Variants in TRABD2B observed in about 807,000 individuals in gnomAD.
TRABD2B encodes the protein TraB domain containing 2B.
In TRABD2B, 14 loss-of-function variants were observed where a neutral mutation model predicts 40.1. That is an observed-to-expected ratio of 0.35 (90% CI 0.23 to 0.55). The LOEUF is 0.55. Among genes scored for constraint, TRABD2B ranks in the 20% least tolerant of loss-of-function variants. The pLI, the probability that TRABD2B is intolerant of heterozygous loss-of-function variation, is 0.90. For synonymous variants in TRABD2B, 263 were observed against 277.0 expected, an observed-to-expected ratio of 0.95 and a Z score of 0.50; for missense variants, 541 against 648.6, an observed-to-expected ratio of 0.83 and a Z score of 1.80.
At chr1:47,939,571 C>A (rs1645158583) in intron 2 of TRABD2B, among the ~76,000 whole-genome samples, 3 of 152,130 alleles carry the variant, frequency 2.0e-5, no homozygotes, top group Admixed American at 2.0e-4. Flanking sequence ...ACACTGTAAT[C>A]CCCTGGACAG....
At chr1:47,780,592 C>T (rs1253522802) in intron 4 of TRABD2B, among the ~76,000 whole-genome samples, 1 of 152,094 alleles carries the variant, frequency 6.6e-6, no homozygotes, top group Non-Finnish European at 1.5e-5. Context: ...ACACAGGAGG[C>T]CTCTAAGCCA....
At chr1:47,909,659 CATT>C (rs1644730993) in intron 2 of TRABD2B, among the ~76,000 whole-genome samples, 1 of 150,176 alleles carries the variant, frequency 6.7e-6, no homozygotes, top group African/African-American at 2.4e-5. Flanking sequence ...AGAACTCACT[CATT>C]ATCATGGGGA....
intron 2 of TRABD2B, among the ~76,000 whole-genome samples, chr1:47,871,545 C>T (rs148810713): frequency 6.6e-6 from 1 of 152,196 alleles, no homozygotes; most frequent in African/African-American, 2.4e-5. Context: ...GGAGTGGAAC[C>T]ATTTTCATCC....
intron 2 of TRABD2B, among the ~76,000 whole-genome samples, chr1:47,804,095 G>A (rs1380624626): frequency 6.6e-6 from 1 of 152,226 alleles, no homozygotes; most frequent in Non-Finnish European, 1.5e-5. Flanking sequence ...TCATGGCTGG[G>A]CAGGAGCGCT....
At chr1:47,847,393 T>C (rs1645486717) in intron 2 of TRABD2B, among the ~76,000 whole-genome samples, 1 of 152,224 alleles carries the variant, frequency 6.6e-6, no homozygotes, top group Non-Finnish European at 1.5e-5. Context: ...ATTATCTTCG[T>C]GTCTCCAATG....
intron 2 of TRABD2B, among the ~76,000 whole-genome samples, chr1:47,802,756 CA>C: frequency 6.6e-6 from 1 of 152,296 alleles, no homozygotes; most frequent in South Asian, 2.1e-4. Context: ...CAGTCCCGCC[CA>C]TCTCCGGGCA....
intron 2 of TRABD2B, among the ~76,000 whole-genome samples, chr1:47,927,132 A>T (rs1268232133): frequency 1.3e-5 from 2 of 152,158 alleles, no homozygotes; most frequent in Non-Finnish European, 2.9e-5. Context: ...ACAAGATAAG[A>T]GATCATTCTT....
chr1:47,867,475 C>T (rs754834380), intron 2 of TRABD2B, among the ~76,000 whole-genome samples: 11 of 152,142 alleles, frequency 7.2e-5, no homozygotes, highest in Admixed American at 5.2e-4. Context: ...GCATTACATG[C>T]GCTGGCTTCC....
intron 2 of TRABD2B, among the ~76,000 whole-genome samples, chr1:47,884,585 A>G (rs1031261656): frequency 6.6e-6 from 1 of 152,104 alleles, no homozygotes; most frequent in Non-Finnish European, 1.5e-5. Flanking sequence ...TTCTCCACAC[A>G]GTAGCCAGGG....
At chr1:47,962,054 T>C (rs1645525680) in intron 2 of TRABD2B, among the ~76,000 whole-genome samples, 1 of 152,158 alleles carries the variant, frequency 6.6e-6, no homozygotes, top group Non-Finnish European at 1.5e-5. Flanking sequence ...TGAGTTCATG[T>C]CCTTTGTAGG....
At chr1:47,848,138 G>C (rs1469449023) in intron 2 of TRABD2B, among the ~76,000 whole-genome samples, 1 of 152,194 alleles carries the variant, frequency 6.6e-6, no homozygotes, top group Non-Finnish European at 1.5e-5. Context: ...AGAAACACAT[G>C]GAGAGACAGC....
rs1322574083 is a variant in TRABD2B at position 47,763,081 on chromosome 1, A to C, written c.*2821T>G. ...GGGCACAAAGAACGTTTCTGGAAGA[A>C]ATGTCAGTTAGTGGTGGATAGATCG... is the stretch of plus-strand genomic sequence containing the variant. On this transcript the variant is annotated 3_prime_UTR_variant, in exon 7 of 7. Coordinates refer to ENST00000606738, the MANE Select transcript of TRABD2B (RefSeq NM_001194986.2). The C allele has an allele frequency of 6.6e-6, 1 of 152,228 alleles. No individual in the cohort carries two copies. The highest frequency in any genetic ancestry group is 2.4e-5 in the African/African-American group (1 of 41,464). 9.4% of individuals were successfully genotyped at this position (152,228 alleles called of 1,614,324 possible). A position where few individuals can be genotyped will look rare whatever the true frequency, so the allele number is the denominator to read the frequency against.
intron 2 of TRABD2B, among the ~76,000 whole-genome samples, chr1:47,984,295 G>A (rs1376869245): frequency 6.6e-6 from 1 of 152,258 alleles, no homozygotes; most frequent in Non-Finnish European, 1.5e-5. Context: ...CTCCGCCTGT[G>A]TCGCTGCCTG....
intron 2 of TRABD2B, among the ~76,000 whole-genome samples, chr1:47,898,643 C>T (rs751187650): frequency 3.9e-5 from 6 of 152,218 alleles, no homozygotes; most frequent in Non-Finnish European, 7.3e-5. Flanking sequence ...TCTTTGGTAA[C>T]TTGACCTGAA....
chr1:47,772,928 G>A (rs77751739), intron 6 of TRABD2B, among the ~76,000 whole-genome samples: 2,309 of 152,312 alleles, frequency 0.015, 84 homozygotes, highest in Admixed American at 0.088. Context: ...ATTTACCTGT[G>A]GGGACAGAAA....
At chr1:47,873,250 T>C (rs955002626) in intron 2 of TRABD2B, among the ~76,000 whole-genome samples, 7 of 152,124 alleles carry the variant, frequency 4.6e-5, no homozygotes, top group Admixed American at 3.9e-4. Flanking sequence ...TTTGGGGGGA[T>C]AGAAACATCT....
chr1:47,791,126 G>A lies in TRABD2B; in HGVS notation c.988+3460C>T, dbSNP rs1012366621. Among the ~76,000 whole-genome samples the A allele has an allele frequency of 1.1e-4, 16 of 152,348 alleles. No homozygotes were observed. In the South Asian group the frequency reaches 2.9e-3, roughly 28 times the overall value. On this transcript the variant is annotated intron_variant, in intron 4 of 6. Transcript: ENST00000606738. ...CCCTGTCTGTCCTCGCAGGCTCTCA[G>A]GGCAGGATTCTGGAGCTGGGCTGGG...
At chr1:47,952,316 T>G (rs1485042689) in intron 2 of TRABD2B, among the ~76,000 whole-genome samples, 1 of 152,180 alleles carries the variant, frequency 6.6e-6, no homozygotes, top group African/African-American at 2.4e-5. Context: ...GAATCCTCCC[T>G]TGCTCCCTCC....
intron 2 of TRABD2B, among the ~76,000 whole-genome samples, chr1:47,960,679 G>C (rs147604840): frequency 0.023 from 3,569 of 152,226 alleles, 110 homozygotes; most frequent in Admixed American, 0.09. Context: ...TCTTCAAGGA[G>C]AACTACAAAC....
Sources: gnomAD v4.1 joint callset for allele counts (sites outside exome capture counted in the v4.1 genomes callset) on GRCh38, gnomAD v4.1.1 for gene constraint, MANE v1.5 for transcripts, NCBI Gene and HGNC (gene_info 2026-07-23, HGNC 2026-07-21) for gene names.